NPIPB6: variants seen among roughly 807,000 people sequenced by gnomAD.
NPIPB6 encodes the protein nuclear pore complex interacting protein family member B6, also known as nuclear pore complex-interacting protein family member B6.
In NPIPB6, 2 loss-of-function variants were observed where a neutral mutation model predicts 20.0. The ratio of observed to expected loss-of-function variants is 0.10; its 90% CI spans 0.04 to 0.31. The LOEUF (loss-of-function observed/expected upper bound fraction) is 0.31. Ranked by LOEUF, NPIPB6 falls within the 10% of genes least tolerant of loss-of-function variation. The pLI is 1.00. For synonymous variants in NPIPB6, 35 were observed against 116.3 expected, an observed-to-expected ratio of 0.30 and a Z score of 4.50; for missense variants, 96 against 293.7, an observed-to-expected ratio of 0.33 and a Z score of 4.92.
chr16:28,360,414 G>C (rs1053110635), intron 1 of NPIPB6, among the ~76,000 whole-genome samples: 1 of 132,022 alleles, frequency 7.6e-6, no homozygotes, highest in African/African-American at 2.6e-5. Context: ...GTTCACTGCT[G>C]ATTACATCCG....
In NPIPB6 at chr16:28,346,266, A is replaced by G. The variant is rs1410936736; in HGVS notation, c.600-1513T>C. 2 of 804,242 alleles carry G rather than the reference A, an allele frequency of 2.5e-6. 1 individual carries two copies. Among genetic ancestry groups the G allele is most frequent in the Admixed American group, 1.8e-4 (2 of 11,326 alleles). 49.8% of individuals were successfully genotyped at this position (804,242 alleles called of 1,614,324 possible). ...AACCAGACCTCACCAACTCATCACA[A>G]CTAACTCCATAGGAAGCAGAGGATT... is the stretch of plus-strand genomic sequence containing the variant. On this transcript the variant is annotated intron_variant, in intron 4 of 6. Coordinates refer to ENST00000532254, the Ensembl canonical transcript of NPIPB6.
chr16:28,355,863 T>A lies in NPIPB6; in HGVS notation c.121-2802A>T. On this transcript the variant is annotated intron_variant, in intron 1 of 6. Transcript: ENST00000532254. ...GTAAACTTACACTTAAGGGTATATA[T>A]TTTGGCCAGGCGCGGTGGCTCACGC... Among the ~76,000 whole-genome samples, 2 of 121,882 alleles carry A rather than the reference T, an allele frequency of 1.6e-5. 1 individual carries two copies. The allele number at this position is 121,882 out of a possible 152,430, so 80.0% of individuals were successfully genotyped here.
intron 1 of NPIPB6, among the ~76,000 whole-genome samples, chr16:28,361,700 G>A (rs1223798485): frequency 3.2e-4 from 47 of 148,896 alleles, no homozygotes; most frequent in African/African-American, 1.0e-3. Flanking sequence ...CAGCCTGGGC[G>A]ACAGAGTGAA....
intron 1 of NPIPB6, among the ~76,000 whole-genome samples, chr16:28,360,282 A>C (rs1445895521): frequency 7.9e-6 from 1 of 125,862 alleles, no homozygotes; most frequent in African/African-American, 2.7e-5. Flanking sequence ...AAAATGTTGG[A>C]ATTTTTACTC....
chr16:28,359,121 G>A (rs1420885546), intron 1 of NPIPB6, among the ~76,000 whole-genome samples: 4 of 143,092 alleles, frequency 2.8e-5, no homozygotes, highest in Admixed American at 7.0e-5. Context: ...CCTAGATTTC[G>A]GTTGTGTTGG....
At chr16:28,342,947 A>C (rs1882567912) in exon 7 of NPIPB6, 2 of 1,597,852 alleles carry the variant, frequency 1.3e-6, no homozygotes, top group South Asian at 1.1e-5. Flanking sequence ...TGAGGGTGGA[A>C]GAGGAGAGGG....
chr16:28,355,859 T>C (rs1183385912), intron 1 of NPIPB6, among the ~76,000 whole-genome samples: 1 of 121,730 alleles, frequency 8.2e-6, no homozygotes, highest in Non-Finnish European at 1.8e-5. Flanking sequence ...CTTAAGGGTA[T>C]ATATTTTGGC....
chr16:28,348,302 G>A (rs2045137212), intron 4 of NPIPB6, among the ~76,000 whole-genome samples: 1 of 109,976 alleles, frequency 9.1e-6, no homozygotes, highest in South Asian at 2.7e-4. Context: ...AAAAAAGGCT[G>A]GGTGTGGTGG....
At chr16:28,348,307 T>C in intron 4 of NPIPB6, among the ~76,000 whole-genome samples, 1 of 104,978 alleles carries the variant, frequency 9.5e-6, no homozygotes, top group Non-Finnish European at 2.1e-5. Flanking sequence ...AGGCTGGGTG[T>C]GGTGGCTCAC....
At chr16:28,359,535 CTGAG>C (rs1307579012) in intron 1 of NPIPB6, among the ~76,000 whole-genome samples, 1 of 139,674 alleles carries the variant, frequency 7.2e-6, no homozygotes, top group African/African-American at 2.7e-5. Context: ...ACCCGTGTAC[CTGAG>C]TGTCATCACC....
At position 28,361,730 on chromosome 16, in the gene NPIPB6, ATGTGTGTGTG is replaced by A. The variant is rs750956017; in HGVS notation, c.120+963_120+972del. ...AGTGAAACTCTGTCTCTCTCTCTATATGTGTGTGTGTGTGTGTGTGTGTGTGTGTGTGTGT... is the reference window on the plus strand; with the variant it reads ...AGTGAAACTCTGTCTCTCTCTCTATATGTGTGTGTGTGTGTGTGTGTGTGT... On this transcript the variant is annotated intron_variant, in intron 1 of 6. Coordinates refer to ENST00000532254, the Ensembl canonical transcript of NPIPB6. Among the ~76,000 whole-genome samples the A allele has an allele frequency of 1.3e-4, 13 of 100,874 alleles. No individual in the cohort carries two copies. The East Asian group carries it at 2.0e-3, about 15-fold the overall frequency. The allele number at this position is 100,874 out of a possible 152,430, so 66.2% of individuals were successfully genotyped here.
Position 28,349,546 on chromosome 16 carries a change from GTC to G in NPIPB6, c.304-307_304-306del, listed in dbSNP as rs575458076. On this transcript the variant is annotated intron_variant, in intron 2 of 6. Coordinates refer to ENST00000532254, the Ensembl canonical transcript of NPIPB6. Reference sequence around the variant, plus strand: ...AGCCTGAGCGACAGAATGAGACTCTGTCACACACACACACACACACACACACA... The same window carrying G: ...AGCCTGAGCGACAGAATGAGACTCTGACACACACACACACACACACACACA... Among the ~76,000 whole-genome samples the G allele has an allele frequency of 1.6e-3, 133 of 82,106 alleles. 9 individuals are homozygous for G. In the East Asian group the frequency reaches 0.025, roughly 15 times the overall value. The allele number at this position is 82,106 out of a possible 152,430, so 53.9% of individuals were successfully genotyped here.
Position 28,362,120 on chromosome 16 carries a change from CAG to C in NPIPB6, c.120+581_120+582del, listed in dbSNP as rs1351322913. The stretch of plus-strand genomic sequence containing the variant: ...CAGGATAATTTTTTTTTTTTTTTGA[CAG>C]AGTCTCGCTCTGTCGCACAGTCTGG... On this transcript the variant is annotated intron_variant, in intron 1 of 6. Transcript: ENST00000532254. Among the ~76,000 whole-genome samples, 37 of 142,712 alleles carry C rather than the reference CAG, an allele frequency of 2.6e-4. 1 individual carries two copies. Among genetic ancestry groups the C allele is most frequent in the Non-Finnish European group, 7.5e-5 (5 of 66,774 alleles). The allele number at this position is 142,712 out of a possible 152,430, so 93.6% of individuals were successfully genotyped here. A position where few individuals can be genotyped will look rare whatever the true frequency, so the allele number is the denominator to read the frequency against.
chr16:28,351,734 A>T (rs1185410727), intron 2 of NPIPB6, among the ~76,000 whole-genome samples: 1 of 105,734 alleles, frequency 9.5e-6, no homozygotes, highest in Non-Finnish European at 2.2e-5. Flanking sequence ...GAGAATGTTA[A>T]GTGTGCCTAG....
chr16:28,362,102 A>ATTTTTTT (rs765651989), intron 1 of NPIPB6, among the ~76,000 whole-genome samples: 11 of 131,592 alleles, frequency 8.4e-5, no homozygotes, highest in African/African-American at 3.2e-4. Context: ...TTGCAGGATA[A>ATTTTTTT]TTTTTTTTTT....
At chr16:28,359,132 T>C (rs1328957814) in intron 1 of NPIPB6, among the ~76,000 whole-genome samples, 255 of 136,090 alleles carry the variant, frequency 1.9e-3, no homozygotes, top group Admixed American at 6.2e-3. Context: ...GTTGTGTTGG[T>C]TGTAAAAGGA....
intron 1 of NPIPB6, among the ~76,000 whole-genome samples, chr16:28,359,742 TC>T (rs1311286984): frequency 3.3e-5 from 5 of 151,116 alleles, no homozygotes; most frequent in Non-Finnish European, 5.9e-5. Flanking sequence ...GACTCCTGGG[TC>T]CCCAGGGTGC....
In NPIPB6 at chr16:28,349,889, CAAAAAAAAAAAA is replaced by C. The variant is rs1178858068; in HGVS notation, c.304-660_304-649del. ...GGGCAACAAAATTGAAACTCTGTCT[CAAAAAAAAAAAA>C]AAAAAAAAAAAAAGAGCCCAGGTGC... On this transcript the variant is annotated intron_variant, in intron 2 of 6. Transcript: ENST00000532254. Among the ~76,000 whole-genome samples the C allele has an allele frequency of 1.8e-4, 3 of 16,870 alleles. 1 individual carries two copies. The highest frequency in any genetic ancestry group is 4.1e-4 in the Non-Finnish European group (3 of 7,398). The allele number at this position is 16,870 out of a possible 152,430, so 11.1% of individuals were successfully genotyped here.
exon 7 of NPIPB6, chr16:28,343,069 A>C (rs1567227450): frequency 1.4e-6 from 2 of 1,459,046 alleles, no homozygotes; most frequent in African/African-American, 2.8e-5. Context: ...CAGTTATAGA[A>C]TGTTGTTGAG....
Sources: allele counts gnomAD v4.1 joint callset (sites outside exome capture counted in the v4.1 genomes callset), GRCh38; gene constraint gnomAD v4.1.1; transcripts MANE v1.5; gene names NCBI Gene and HGNC (gene_info 2026-07-23, HGNC 2026-07-21).